The following NCL variants were observed in gnomAD, a reference collection of about 807,000 sequenced individuals.
NCL encodes the protein nucleolin multifunctional protein.
NCL carries 4 observed loss-of-function variants against 77.7 expected under a neutral mutation model. The observed-to-expected ratio is 0.05, with a 90% CI of 0.03 to 0.12. The LOEUF (loss-of-function observed/expected upper bound fraction) is 0.12, where lower values mean the gene tolerates loss of function less well. Ranked by LOEUF, NCL falls within the 10% of genes least tolerant of loss-of-function variation. NCL has a pLI of 1.00. For missense variants in NCL, 763 were observed against 860.9 expected (o/e 0.89, Z 1.42); for synonymous variants, 344 against 297.8 (o/e 1.16, Z -1.60).
chr2:231,463,728 T>C (rs2046973324), intron 1 of NCL: 1 of 175,766 alleles, frequency 5.7e-6, no homozygotes, highest in South Asian at 1.1e-4. Flanking sequence ...GCTTATGCCT[T>C]TCCCAGCGAG....
chr2:231,460,451 C>G, intron 5 of NCL, 27 bp downstream of exon 5: 1 of 1,605,060 alleles, frequency 6.2e-7, no homozygotes, highest in Non-Finnish European at 8.5e-7. Flanking sequence ...GTTTATCTCC[C>G]CCATATCCCC....
At chr2:231,458,865 C>T (rs1027979681) in intron 7 of NCL, 136 bp downstream of exon 7, 3 of 957,372 alleles carry the variant, frequency 3.1e-6, no homozygotes, top group Non-Finnish European at 1.5e-6. Context: ...TCATTTAATT[C>T]CCACATTAAG....
At position 231,457,623 on chromosome 2, in the gene NCL, T is replaced by G. The variant is rs78143527; in HGVS notation, c.1447+20A>C. ...TCCCTCCACCAATTCTGAAACCTTG[T>G]AACAAGCCTAATTTCTTACCACTCC... On this transcript the variant is annotated intron_variant, in intron 9 of 13. Coordinates refer to ENST00000322723, the MANE Select transcript of NCL (RefSeq NM_005381.3). 120 of 1,573,916 alleles carry G rather than the reference T, an allele frequency of 7.6e-5. No homozygotes were observed. The highest frequency in any genetic ancestry group is 1.0e-4 in the Non-Finnish European group (116 of 1,161,640).
intron 7 of NCL, 92 bp downstream of exon 7, chr2:231,458,908 AT>A: frequency 7.6e-7 from 1 of 1,320,340 alleles, no homozygotes. Context: ...ATTTAAAAAA[AT>A]AAGAGGAAAC....
chr2:231,461,455 G>C (rs2046949649), intron 3 of NCL, 85 bp downstream of exon 3: 4 of 1,542,010 alleles, frequency 2.6e-6, no homozygotes, highest in Middle Eastern at 1.7e-4. Flanking sequence ...TCATCTCCAG[G>C]TTGTCGTGGA....
In NCL at chr2:231,457,711, G is replaced by A; in HGVS notation, c.1379C>T (p.Ser460Phe). The change falls in exon 9 of 14, where the codon TCC (serine) becomes TTC (phenylalanine). Residue 460 changes from serine (S) to phenylalanine (F), a missense_variant. Physicochemically the swap from Ser to Phe is radical, Grantham distance 155 (BLOSUM62 -2). Transcript: ENST00000322723. ...QGTEIDGRSI[S>F]LYYTGEKGQN... The stretch of plus-strand genomic sequence containing the variant: ...ACCTTTCTCTCCAGTATAGTACAGG[G>A]AAATAGATCGCCCATCGATCTCTGT... 6.2e-7 allele frequency: 1 copy of A among 1,612,776 alleles called. No individual in the cohort carries two copies. The highest frequency in any genetic ancestry group is 8.5e-7 in the Non-Finnish European group (1 of 1,179,100).
chr2:231,462,117 T>C, intron 2 of NCL, 100 bp from the exon 3 acceptor site: 1 of 1,423,370 alleles, frequency 7.0e-7, no homozygotes, highest in South Asian at 1.2e-5. Flanking sequence ...TGCCTCTGGT[T>C]CAAGACCACA....
chr2:231,463,566 A>G (rs1233927797), intron 1 of NCL: 5 of 482,906 alleles, frequency 1.0e-5, no homozygotes, highest in Non-Finnish European at 1.8e-5. Context: ...ACCTGAGGAA[A>G]TGATTTCTCC....
In NCL at chr2:231,460,703, TTCA is replaced by T. The variant is rs139777351; in HGVS notation, c.774_776del (p.Asp258del). On this transcript the variant is annotated inframe_deletion, in exon 4 of 14. Coordinates refer to ENST00000322723, the MANE Select transcript of NCL (RefSeq NM_005381.3). Reference sequence around the variant, plus strand: ...CCTCTTCTTCCTCCTCCTCATCATCTTCATCATCATCATCTTCATCATCTTCGT... The same window carrying T: ...CCTCTTCTTCCTCCTCCTCATCATCTTCATCATCATCTTCATCATCTTCGT... The T allele has an allele frequency of 0.084, 135,251 of 1,607,490 alleles. 6,789 individuals carry two copies. Among genetic ancestry groups the T allele is most frequent in the East Asian group, 0.18 (7,981 of 44,748 alleles).
intron 8 of NCL, among the ~76,000 whole-genome samples, 188 bp from the exon 9 acceptor site, chr2:231,457,988 A>G (rs1329512315): frequency 6.6e-6 from 1 of 152,214 alleles, no homozygotes; most frequent in African/African-American, 2.4e-5. Context: ...GAATTTTTTC[A>G]TAGTAACCTC....
chr2:231,459,274 C>T (rs2046923267), intron 6 of NCL, 149 bp from the exon 7 acceptor site: 1 of 814,346 alleles, frequency 1.2e-6, no homozygotes, highest in South Asian at 2.6e-5. Context: ...CAAGGCTCTG[C>T]AAACTGCAGC....
At chr2:231,461,212 G>A (rs960289369) in intron 3 of NCL, among the ~76,000 whole-genome samples, 7 of 151,866 alleles carry the variant, frequency 4.6e-5, no homozygotes. Flanking sequence ...GGAGATGGAG[G>A]CTGCAGTGAG....
chr2:231,457,136 G>A lies in NCL; in HGVS notation c.1448-12C>T, dbSNP rs753255347. The A allele has an allele frequency of 3.1e-6, 5 of 1,613,364 alleles. No individual in the cohort carries two copies. Among genetic ancestry groups the A allele is most frequent in the South Asian group, 2.2e-5 (2 of 90,988 alleles). On this transcript the variant is annotated splice_polypyrimidine_tract_variant and intron_variant, in intron 9 of 13. Transcript: ENST00000322723. Reference sequence around the variant, plus strand: ...AGTTTTTGATTCACCTGCAAATAGAGATGCCACATTCCTAAGACTCTGAAA... The same window carrying A: ...AGTTTTTGATTCACCTGCAAATAGAAATGCCACATTCCTAAGACTCTGAAA...
intron 12 of NCL, 63 bp downstream of exon 12, chr2:231,455,947 C>G: frequency 2.5e-6 from 4 of 1,612,956 alleles, no homozygotes; most frequent in Non-Finnish European, 3.4e-6. Context: ...ACATTAGACT[C>G]AAGGTCTGCA....
At position 231,461,758 on chromosome 2, in the gene NCL, T is replaced by C. The variant is rs1285395462; in HGVS notation, c.395A>G (p.Lys132Arg). The C allele has an allele frequency of 1.2e-6, 2 of 1,614,250 alleles. No individual in the cohort carries two copies. The highest frequency in any genetic ancestry group is 4.5e-5 in the East Asian group (2 of 44,888). Residue 132 changes from lysine to arginine, a missense_variant, in exon 3 of 14, where the codon AAG becomes AGG. By Grantham distance (26) the Lys-to-Arg change is conservative. Coordinates refer to ENST00000322723, the MANE Select transcript of NCL (RefSeq NM_005381.3). ...GGCATTCTTGCCATTCTTTGCCCCC[T>C]TGGCTGGGATGGCAGCACCCTTCTT... ...PGKKGAAIPA[K>R]GAKNGKNAKK...
At chr2:231,463,442 A>G in intron 1 of NCL, 126 bp from the exon 2 acceptor site, 2 of 740,738 alleles carry the variant, frequency 2.7e-6, no homozygotes, top group South Asian at 3.0e-5. Context: ...GCCAAACACC[A>G]CAACTAACAT....
intron 11 of NCL, 55 bp from the exon 12 acceptor site, chr2:231,456,191 A>C: frequency 6.2e-7 from 1 of 1,606,204 alleles, no homozygotes; most frequent in East Asian, 2.2e-5. Flanking sequence ...GTAACACTGA[A>C]TTTGCACAAT....
At chr2:231,457,832 T>TA (rs1369497704) in intron 8 of NCL, 32 bp from the exon 9 acceptor site, 22 of 1,564,298 alleles carry the variant, frequency 1.4e-5, no homozygotes, top group Non-Finnish European at 1.9e-5. Context: ...TCATGGTTTT[T>TA]AAAACCATAT....
chr2:231,464,106 ACT>A (rs920218250), intron 1 of NCL: 17 of 1,365,670 alleles, frequency 1.2e-5, no homozygotes, highest in East Asian at 5.4e-5. Flanking sequence ...GCGCTCAGTG[ACT>A]CTGTCTTTCC....
Sources: gnomAD v4.1 joint callset for allele counts (sites outside exome capture counted in the v4.1 genomes callset) on GRCh38, gnomAD v4.1.1 for gene constraint, MANE v1.5 for transcripts, NCBI Gene and HGNC (gene_info 2026-07-23, HGNC 2026-07-21) for gene names.